The following AGBL4 variants were observed in gnomAD, a reference collection of about 807,000 sequenced individuals.
AGBL4 encodes cytosolic carboxypeptidase 6.
A neutral mutation model predicts 66.4 loss-of-function variants in AGBL4; 58 were observed. The observed-to-expected ratio is 0.87, with a 90% CI of 0.71 to 1.09. The LOEUF (loss-of-function observed/expected upper bound fraction) is 1.09, where lower values mean the gene tolerates loss of function less well. Ranked by LOEUF, AGBL4 falls within the 50% of genes least tolerant of loss-of-function variation. AGBL4 has a pLI of 0.00. For missense variants in AGBL4, 579 were observed against 631.0 expected (o/e 0.92, Z 0.88); for synonymous variants, 234 against 222.9 (o/e 1.05, Z -0.44).
intron 9 of AGBL4, among the ~76,000 whole-genome samples, chr1:48,593,277 T>C (rs1178698833): frequency 6.6e-6 from 1 of 152,232 alleles, no homozygotes; most frequent in African/African-American, 2.4e-5. Context: ...TGAATATATC[T>C]TGGAGGCGAT....
intron 5 of AGBL4, among the ~76,000 whole-genome samples, chr1:48,898,092 T>A (rs912212904): frequency 1.3e-5 from 2 of 152,214 alleles, no homozygotes; most frequent in Non-Finnish European, 2.9e-5. Flanking sequence ...ATTATAGGTG[T>A]GAGCCACCCC....
intron 9 of AGBL4, among the ~76,000 whole-genome samples, chr1:48,619,059 C>T (rs1645366510): frequency 6.6e-6 from 1 of 152,156 alleles, no homozygotes; most frequent in Admixed American, 6.5e-5. Flanking sequence ...TGCTGCTGGG[C>T]CCCTGGTGAG....
intron 3 of AGBL4, among the ~76,000 whole-genome samples, chr1:49,272,740 GTCTT>G (rs1158865042): frequency 6.6e-6 from 1 of 152,014 alleles, no homozygotes; most frequent in Non-Finnish European, 1.5e-5. Context: ...AAACTGGAAA[GTCTT>G]TATGTCTATA....
intron 2 of AGBL4, among the ~76,000 whole-genome samples, chr1:49,754,266 C>CT (rs573812769): frequency 3.8e-4 from 53 of 139,428 alleles, no homozygotes; most frequent in Middle Eastern, 7.4e-3. Context: ...CATGGGTGTT[C>CT]TTTTTTTTTT....
intron 9 of AGBL4, among the ~76,000 whole-genome samples, chr1:48,605,218 C>T (rs1401554928): frequency 6.6e-6 from 1 of 152,214 alleles, no homozygotes; most frequent in Non-Finnish European, 1.5e-5. Flanking sequence ...TTGGGTTTGT[C>T]ATGGGGAGCC....
intron 4 of AGBL4, among the ~76,000 whole-genome samples, chr1:49,072,296 C>A (rs762294711): frequency 1.3e-5 from 2 of 152,114 alleles, no homozygotes; most frequent in Non-Finnish European, 2.9e-5. Context: ...ATGATGTTAG[C>A]TGGTTATTTT....
At chr1:48,851,919 A>G (rs1385151944) in intron 6 of AGBL4, among the ~76,000 whole-genome samples, 6 of 151,660 alleles carry the variant, frequency 4.0e-5, no homozygotes, top group East Asian at 1.9e-4. Flanking sequence ...AAAAATAAAA[A>G]ACAAAAAAAG....
At chr1:48,526,401 T>C in the AGBL4 span, among the ~76,000 whole-genome samples, 1 of 152,184 alleles carries the variant, frequency 6.6e-6, no homozygotes, top group South Asian at 2.1e-4. Context: ...GAATAATGCC[T>C]ACTTCATAGG....
intron 3 of AGBL4, among the ~76,000 whole-genome samples, chr1:49,269,996 T>G (rs150997108): frequency 6.6e-6 from 1 of 152,188 alleles, no homozygotes; most frequent in Non-Finnish European, 1.5e-5. Flanking sequence ...AAATATGAAT[T>G]TCTTAACAGC....
intron 4 of AGBL4, among the ~76,000 whole-genome samples, chr1:49,126,534 C>T (rs1057502472): frequency 6.6e-6 from 1 of 152,128 alleles, no homozygotes; most frequent in African/African-American, 2.4e-5. Context: ...TCCTCATAAT[C>T]ACCCAAAGAA....
chr1:49,977,715 C>T (rs376348310), intron 1 of AGBL4, among the ~76,000 whole-genome samples: 5 of 152,120 alleles, frequency 3.3e-5, no homozygotes, highest in African/African-American at 1.2e-4. Flanking sequence ...CTATTGTTTT[C>T]AATTGGCTAA....
intron 3 of AGBL4, among the ~76,000 whole-genome samples, chr1:49,387,491 C>T (rs1233553555): frequency 6.6e-6 from 1 of 151,406 alleles, no homozygotes; most frequent in Non-Finnish European, 1.5e-5. Flanking sequence ...AGCTTATAGA[C>T]TCCTTTCATC....
At chr1:49,058,506 C>T (rs1010807024) in intron 4 of AGBL4, among the ~76,000 whole-genome samples, 1 of 152,176 alleles carries the variant, frequency 6.6e-6, no homozygotes, top group African/African-American at 2.4e-5. Context: ...GAACTGTGAA[C>T]CAATTAAACC....
At chr1:49,377,159 C>A (rs1644488017) in intron 3 of AGBL4, among the ~76,000 whole-genome samples, 1 of 151,990 alleles carries the variant, frequency 6.6e-6, no homozygotes, top group Non-Finnish European at 1.5e-5. Flanking sequence ...CATATGAACA[C>A]CTACTTTCCC....
chr1:49,939,745 A>G (rs1369460926), intron 1 of AGBL4, among the ~76,000 whole-genome samples: 1 of 152,222 alleles, frequency 6.6e-6, no homozygotes, highest in East Asian at 1.9e-4. Context: ...AACCATGAAT[A>G]ACCTAGAAGA....
intron 1 of AGBL4, among the ~76,000 whole-genome samples, chr1:49,919,050 A>G (rs188481899): frequency 2.0e-5 from 3 of 152,222 alleles, no homozygotes; most frequent in Admixed American, 1.3e-4. Flanking sequence ...ATGCTAAAAA[A>G]CTCTCAATAA....
intron 3 of AGBL4, among the ~76,000 whole-genome samples, chr1:49,624,279 C>T (rs143940823): frequency 6.6e-6 from 1 of 152,076 alleles, no homozygotes; most frequent in Non-Finnish European, 1.5e-5. Context: ...GCATTTAGCA[C>T]CATGCCTGGC....
intron 6 of AGBL4, among the ~76,000 whole-genome samples, chr1:48,751,670 T>G (rs1651755734): frequency 6.6e-6 from 1 of 152,200 alleles, no homozygotes; most frequent in African/African-American, 2.4e-5. Flanking sequence ...GCTTGTCACA[T>G]GGCAATATGG....
chr1:49,404,083 A>C (rs775461556), intron 3 of AGBL4, among the ~76,000 whole-genome samples: 7 of 152,112 alleles, frequency 4.6e-5, no homozygotes, highest in Non-Finnish European at 7.4e-5. Flanking sequence ...TCTCATATGT[A>C]ATTTAACAGC....
Sources: gnomAD v4.1 joint callset for allele counts (sites outside exome capture counted in the v4.1 genomes callset) on GRCh38, gnomAD v4.1.1 for gene constraint, MANE v1.5 for transcripts, NCBI Gene and HGNC (gene_info 2026-07-23, HGNC 2026-07-21) for gene names.